GFAP: variants seen among roughly 807,000 people sequenced by gnomAD.
The protein encoded by GFAP is intermediate filament protein.
GFAP carries 38 observed loss-of-function variants against 49.3 expected under a neutral mutation model. The ratio of observed to expected loss-of-function variants is 0.77; its 90% CI spans 0.60 to 1.01. GFAP has a LOEUF of 1.01. Among genes scored for constraint, GFAP ranks in the 50% least tolerant of loss-of-function variants. The pLI is 0.00. For missense variants in GFAP, 463 were observed against 579.1 expected (o/e 0.80, Z 2.06); for synonymous variants, 222 against 236.4 (o/e 0.94, Z 0.56).
In GFAP at chr17:44,904,283, G is replaced by C. The variant is rs1261514520; in HGVS notation, c.*3064C>G. 6.5e-7 allele frequency: 1 copy of C among 1,549,868 alleles called. No homozygotes were observed. Among genetic ancestry groups the C allele is most frequent in the South Asian group, 1.2e-5 (1 of 83,910 alleles). Reference sequence around the variant, plus strand: ...TGAGGGAATGGTGGCCACTTTCCAGGACAAGGGCCAGGAGCCCTTTGCAGA... The same window carrying C: ...TGAGGGAATGGTGGCCACTTTCCAGCACAAGGGCCAGGAGCCCTTTGCAGA... On this transcript the variant is annotated 3_prime_UTR_variant, in exon 9 of 9. Coordinates refer to ENST00000588735, the MANE Select transcript of GFAP (RefSeq NM_002055.5).
chr17:44,914,184 C>T (rs2051851063), intron 1 of GFAP, 96 bp from the exon 2 acceptor site: 1 of 842,936 alleles, frequency 1.2e-6, no homozygotes, highest in Non-Finnish European at 2.0e-6. Flanking sequence ...CAGAGACCAC[C>T]CCCACCCAGG....
In GFAP at chr17:44,903,805, CCTCTGACCCCTGCCT is replaced by C. The variant is rs2145617467; in HGVS notation, c.*3527_*3541del. The C allele has an allele frequency of 6.5e-7, 1 of 1,539,924 alleles. No homozygotes were observed. Among genetic ancestry groups the C allele is most frequent in the East Asian group, 2.4e-5 (1 of 40,842 alleles). ...TTTAATGCCCTGGTTTTGCCCTGCC[CCTCTGACCCCTGCCT>C]CCTTCAGGTATGCACCTGGCCCTCA... On this transcript the variant is annotated 3_prime_UTR_variant, in exon 9 of 9. Coordinates refer to ENST00000588735, the MANE Select transcript of GFAP (RefSeq NM_002055.5).
chr17:44,907,037 GC>G lies in GFAP; in HGVS notation c.*309del. On this transcript the variant is annotated 3_prime_UTR_variant, in exon 9 of 9. Coordinates refer to ENST00000588735, the MANE Select transcript of GFAP (RefSeq NM_002055.5). ...GAGGGCGATGTAGTAGGTGCCCCCCGCCCTCCTCCCCTTCTCTCCTTCCTCC... is the reference window on the plus strand; with the variant it reads ...GAGGGCGATGTAGTAGGTGCCCCCCGCCTCCTCCCCTTCTCTCCTTCCTCC... 2.0e-6 allele frequency: 1 copy of G among 490,392 alleles called. No individual in the cohort carries two copies. Among genetic ancestry groups the G allele is most frequent in the Non-Finnish European group, 3.8e-6 (1 of 266,390 alleles). The allele number at this position is 490,392 out of a possible 1,614,324, so 30.4% of individuals were successfully genotyped here. A position where few individuals can be genotyped will look rare whatever the true frequency, so the allele number is the denominator to read the frequency against.
intron 4 of GFAP, 79 bp downstream of exon 4, chr17:44,913,190 C>T (rs1476453330): frequency 6.5e-6 from 9 of 1,393,302 alleles, no homozygotes; most frequent in African/African-American, 1.4e-5. Context: ...CAGCTTCCTC[C>T]ACCCTCCTTC....
intron 6 of GFAP, chr17:44,910,967 G>A (rs1056481539): frequency 1.7e-6 from 1 of 603,758 alleles, no homozygotes; most frequent in Admixed American, 2.9e-5. Context: ...ATCTTGGCTG[G>A]GAAGATGGGG....
At chr17:44,911,177 G>A (rs2051752412) in intron 6 of GFAP, 59 bp downstream of exon 6, 1 of 1,465,206 alleles carries the variant, frequency 6.8e-7, no homozygotes, top group Non-Finnish European at 9.6e-7. Context: ...AAGGGAGCAA[G>A]ATGAGCTCTA....
chr17:44,904,521 C>G lies in GFAP; in HGVS notation c.*2826G>C, dbSNP rs557958054. 6.5e-7 allele frequency: 1 copy of G among 1,550,362 alleles called. No individual in the cohort carries two copies. The highest frequency in any genetic ancestry group is 2.0e-5 in the Admixed American group (1 of 50,990). ...CTGCGGACCAAGGCCAGGGACCACA[C>G]GCCTGAGGTGCTGGTTCGGAGCTGC... On this transcript the variant is annotated 3_prime_UTR_variant, in exon 9 of 9. Coordinates refer to ENST00000588735, the MANE Select transcript of GFAP (RefSeq NM_002055.5).
In GFAP at chr17:44,913,258, G is replaced by A; in HGVS notation, c.780+11C>T. ...CCTGGAGGAGGCAGGCTGGCCCACA[G>A]GCAGGGCTACCTTGGAGCGGTACCA... is the stretch of plus-strand genomic sequence containing the variant. On this transcript the variant is annotated intron_variant, in intron 4 of 8. Coordinates refer to ENST00000588735, the MANE Select transcript of GFAP (RefSeq NM_002055.5). 6.2e-7 allele frequency: 1 copy of A among 1,613,802 alleles called. No individual in the cohort carries two copies. Among genetic ancestry groups the A allele is most frequent in the Non-Finnish European group, 8.5e-7 (1 of 1,179,754 alleles).
chr17:44,911,528 G>A, intron 5 of GFAP, 72 bp from the exon 6 acceptor site: 1 of 1,543,546 alleles, frequency 6.5e-7, no homozygotes, highest in Non-Finnish European at 8.7e-7. Flanking sequence ...CCGGCCCCCG[G>A]CCCCAGGCCC....
chr17:44,910,615 C>T lies in GFAP; in HGVS notation c.1171G>A (p.Glu391Lys), dbSNP rs369742944. The T allele has an allele frequency of 5.3e-5, 84 of 1,577,524 alleles. No homozygotes were observed. Among genetic ancestry groups the T allele is most frequent in the Non-Finnish European group, 6.7e-5 (78 of 1,161,122 alleles). ...VQTFSNLQIR[E>K]TSLDTKSVSE... ...TCCCACGAGGCCCTGCTGTACTGAC[C>T]TCGAATCTGCAGGTTGGAGAAGGTC... Residue 391 changes from glutamate (E) to lysine (K), a missense_variant and splice_region_variant, in exon 7 of 9, where the codon GAA (glutamate) becomes AAA (lysine). Transcript: ENST00000588735.
intron 7 of GFAP, chr17:44,908,418 A>C: frequency 2.6e-6 from 1 of 388,806 alleles, no homozygotes; most frequent in South Asian, 4.4e-5. Flanking sequence ...CTTTCTGAAA[A>C]CCCAGCACGG....
rs759379950 is a variant in GFAP, at chr17:44,904,133, C to T, written c.*3214G>A. 57 of 1,550,410 alleles carry T rather than the reference C, an allele frequency of 3.7e-5. 1 individual carries two copies. Among genetic ancestry groups the T allele is most frequent in the South Asian group, 2.7e-4 (23 of 84,044 alleles). ...ACGTGTGGGCAGCGACATGCTGACC[C>T]GCTTCAGCATCCGCATGTTCAGCTT... On this transcript the variant is annotated 3_prime_UTR_variant, in exon 9 of 9. Coordinates refer to ENST00000588735, the MANE Select transcript of GFAP (RefSeq NM_002055.5).
Position 44,905,145 on chromosome 17 carries a change from G to A in GFAP, c.*2202C>T. 2.4e-6 allele frequency: 3 copies of A among 1,240,340 alleles called. No individual in the cohort carries two copies. Among genetic ancestry groups the A allele is most frequent in the South Asian group, 1.5e-5 (1 of 65,432 alleles). The allele number at this position is 1,240,340 out of a possible 1,614,324, so 76.8% of individuals were successfully genotyped here. On this transcript the variant is annotated 3_prime_UTR_variant, in exon 9 of 9. Coordinates refer to ENST00000588735, the MANE Select transcript of GFAP (RefSeq NM_002055.5). ...AATGATACCAGATGTCTCTGGGTGGGTACCCTGGGTTGGGACAGGTGGTAG... is the reference window on the plus strand; with the variant it reads ...AATGATACCAGATGTCTCTGGGTGGATACCCTGGGTTGGGACAGGTGGTAG...
At chr17:44,912,983 G>A (rs1353497788) in intron 4 of GFAP, 5 of 459,266 alleles carry the variant, frequency 1.1e-5, no homozygotes, top group African/African-American at 2.0e-5. Context: ...ATCTGTCAAA[G>A]AACAGCACCT....
Position 44,907,351 on chromosome 17 carries a change from A to T in GFAP, c.1295T>A (p.Met432Lys). Residue 432 changes from methionine to lysine, a missense_variant, in exon 9 of 9, where the codon ATG (methionine) becomes AAG (lysine). Met to Lys is a moderately conservative substitution (Grantham distance 95). Coordinates refer to ENST00000588735, the MANE Select transcript of GFAP (RefSeq NM_002055.5). ...KESKQEHKDV[M>K] ...GGCCACCAGGTGGGTCCTGCCTCAC[A>T]TCACATCCTTGTGCTCCTGCTTGGA... The T allele has an allele frequency of 1.9e-6, 3 of 1,613,886 alleles. No homozygotes were observed. Among genetic ancestry groups the T allele is most frequent in the Non-Finnish European group, 1.7e-6 (2 of 1,179,810 alleles).
chr17:44,911,846 C>T (rs992992024), intron 4 of GFAP, 49 bp from the exon 5 acceptor site: 4 of 1,587,234 alleles, frequency 2.5e-6, no homozygotes, highest in East Asian at 2.3e-5. Context: ...TGGGCAGGCA[C>T]GGGCTCTGGG....
chr17:44,905,143 G>A lies in GFAP; in HGVS notation c.*2204C>T. The A allele has an allele frequency of 1.6e-6, 2 of 1,239,996 alleles. No homozygotes were observed. Among genetic ancestry groups the A allele is most frequent in the Non-Finnish European group, 2.2e-6 (2 of 895,856 alleles). 76.8% of individuals were successfully genotyped at this position (1,239,996 alleles called of 1,614,324 possible). ...TAAATGATACCAGATGTCTCTGGGT[G>A]GGTACCCTGGGTTGGGACAGGTGGT... On this transcript the variant is annotated 3_prime_UTR_variant, in exon 9 of 9. Transcript: ENST00000588735.
rs1302765641 is a variant in GFAP at position 44,905,781 on chromosome 17, C to T, written c.*1566G>A. 2.0e-5 allele frequency: 3 copies of T among 152,952 alleles called. 1 individual carries two copies. Among genetic ancestry groups the T allele is most frequent in the Non-Finnish European group, 4.4e-5 (3 of 68,788 alleles). The allele number at this position is 152,952 out of a possible 1,614,324, so 9.5% of individuals were successfully genotyped here. ...GGAGAGGGAAGGACCCTTCTTCGGC[C>T]TTAGAGGGGAGAGGAGAACCCTGAA... On this transcript the variant is annotated 3_prime_UTR_variant, in exon 9 of 9. Coordinates refer to ENST00000588735, the MANE Select transcript of GFAP (RefSeq NM_002055.5).
At position 44,906,366 on chromosome 17, in the gene GFAP, C is replaced by T. The variant is rs2145623627; in HGVS notation, c.*981G>A. ...CCTAGCGCCATCCCAATTGCCTCCT[C>T]CTCCATCTCTACCAGCGTCCCCTCC... On this transcript the variant is annotated 3_prime_UTR_variant, in exon 9 of 9. Transcript: ENST00000588735. 6.5e-6 allele frequency: 1 copy of T among 152,684 alleles called. No homozygotes were observed. Among genetic ancestry groups the T allele is most frequent in the South Asian group, 2.1e-4 (1 of 4,824 alleles). 9.5% of individuals were successfully genotyped at this position (152,684 alleles called of 1,614,324 possible). A position where few individuals can be genotyped will look rare whatever the true frequency, so the allele number is the denominator to read the frequency against.
Sources: gnomAD v4.1 joint callset for allele counts on GRCh38, gnomAD v4.1.1 for gene constraint, MANE v1.5 for transcripts, NCBI Gene and HGNC (gene_info 2026-07-23, HGNC 2026-07-21) for gene names.